The following NOL4 variants were observed in gnomAD, a reference collection of about 807,000 sequenced individuals.
NOL4 encodes the protein cancer/testis antigen 125.
Under a neutral mutation model 75.9 loss-of-function variants are expected in NOL4, and 17 were observed. That is an observed-to-expected ratio of 0.22 (90% confidence interval 0.15 to 0.34). NOL4 has a LOEUF of 0.34. NOL4 is among the 10% of genes least tolerant of loss of function. The pLI is 1.00. For missense variants in NOL4, 614 were observed against 793.5 expected (o/e 0.77, Z 2.72); for synonymous variants, 292 against 289.9 (o/e 1.01, Z -0.07).
chr18:34,144,489 G>A (rs1312439382), intron 1 of NOL4, among the ~76,000 whole-genome samples: 1 of 152,048 alleles, frequency 6.6e-6, no homozygotes, highest in Non-Finnish European at 1.5e-5. Context: ...AGCTACTACT[G>A]AAAAAACTTT....
intron 1 of NOL4, among the ~76,000 whole-genome samples, chr18:34,169,928 T>G (rs979344322): frequency 2.6e-5 from 4 of 152,168 alleles, no homozygotes; most frequent in Non-Finnish European, 5.9e-5. Flanking sequence ...TTTTCTATTT[T>G]TAATCAATTC....
chr18:34,093,657 C>A, intron 4 of NOL4, 60 bp from the exon 5 acceptor site: 2 of 1,254,662 alleles, frequency 1.6e-6, no homozygotes, highest in Middle Eastern at 2.4e-4. Context: ...TAAATAATAA[C>A]CATTTTATCT....
intron 6 of NOL4, among the ~76,000 whole-genome samples, chr18:33,999,810 C>T (rs1180875758): frequency 6.6e-6 from 1 of 152,000 alleles, no homozygotes; most frequent in Admixed American, 6.6e-5. Flanking sequence ...TACCACTATG[C>T]CCAGCTAATT....
In NOL4 at chr18:34,022,546, C is replaced by T. The variant is rs151067063; in HGVS notation, c.773-2945G>A. On this transcript the variant is annotated intron_variant, in intron 5 of 10. Transcript: ENST00000261592. ...CTTTTTATGCCAATTCAAATTCTTA[C>T]GCTAAATTATGAAGATGATTTTTAT... Among the ~76,000 whole-genome samples, 379 of 151,988 alleles carry T rather than the reference C, an allele frequency of 2.5e-3. 3 individuals are homozygous for T. The highest frequency in any genetic ancestry group is 8.0e-3 in the African/African-American group (334 of 41,494).
chr18:34,041,130 C>T (rs1367253593), intron 5 of NOL4, among the ~76,000 whole-genome samples: 1 of 151,860 alleles, frequency 6.6e-6, no homozygotes, highest in East Asian at 1.9e-4. Context: ...AAGAGAGTTA[C>T]TAATAATGTT....
chr18:34,140,403 T>C (rs2032321244), intron 1 of NOL4, among the ~76,000 whole-genome samples: 1 of 152,332 alleles, frequency 6.6e-6, no homozygotes, highest in East Asian at 1.9e-4. Flanking sequence ...TTAGCCCTTC[T>C]TGTTGAATTG....
At chr18:34,161,115 C>T (rs371181215) in intron 1 of NOL4, among the ~76,000 whole-genome samples, 4 of 152,272 alleles carry the variant, frequency 2.6e-5, no homozygotes, top group East Asian at 1.9e-4. Flanking sequence ...CAATGTCCTT[C>T]GGGCTCAGCA....
chr18:33,883,553 C>A, intron 9 of NOL4, 129 bp from the exon 10 acceptor site: 1 of 564,432 alleles, frequency 1.8e-6, no homozygotes, highest in South Asian at 6.3e-5. Flanking sequence ...GTTAAGTAAG[C>A]ACAGATGCAC....
At chr18:34,067,665 G>C (rs1447221411) in intron 5 of NOL4, among the ~76,000 whole-genome samples, 1 of 152,194 alleles carries the variant, frequency 6.6e-6, no homozygotes, top group African/African-American at 2.4e-5. Context: ...CAAGAAAAAT[G>C]GGAGTTATAA....
At chr18:34,214,641 A>G (rs2036750542) in intron 1 of NOL4, among the ~76,000 whole-genome samples, 1 of 152,164 alleles carries the variant, frequency 6.6e-6, no homozygotes, top group South Asian at 2.1e-4. Flanking sequence ...CTACCATATG[A>G]TCCAGCAAAC....
At chr18:34,030,622 G>A (rs1568243884) in intron 5 of NOL4, among the ~76,000 whole-genome samples, 1 of 152,116 alleles carries the variant, frequency 6.6e-6, no homozygotes, top group African/African-American at 2.4e-5. Flanking sequence ...CAGCTAGATA[G>A]GAGAAATAAG....
chr18:34,080,466 C>G (rs1020831102), intron 5 of NOL4, among the ~76,000 whole-genome samples: 3 of 151,978 alleles, frequency 2.0e-5, no homozygotes, highest in Non-Finnish European at 4.4e-5. Flanking sequence ...CTATAGACTC[C>G]GATGTTAATA....
At chr18:34,029,747 C>T (rs967751410) in intron 5 of NOL4, among the ~76,000 whole-genome samples, 1 of 152,156 alleles carries the variant, frequency 6.6e-6, no homozygotes, top group African/African-American at 2.4e-5. Context: ...CTCTAGTTTT[C>T]TGATAAAATG....
intron 9 of NOL4, among the ~76,000 whole-genome samples, chr18:33,906,830 A>G (rs867265130): frequency 6.6e-6 from 1 of 152,188 alleles, no homozygotes; most frequent in East Asian, 1.9e-4. Context: ...TAGTGTTCCA[A>G]ATGAACAGAA....
intron 9 of NOL4, among the ~76,000 whole-genome samples, chr18:33,918,458 T>C (rs930279181): frequency 1.3e-5 from 2 of 152,076 alleles, no homozygotes; most frequent in African/African-American, 4.8e-5. Flanking sequence ...ATATAGCAAG[T>C]ATCCTCTCAA....
intron 1 of NOL4, among the ~76,000 whole-genome samples, chr18:34,144,802 T>C (rs2081331450): frequency 6.6e-6 from 1 of 152,144 alleles, no homozygotes; most frequent in African/African-American, 2.4e-5. Flanking sequence ...TACGATAAAA[T>C]CAAAGTGCCC....
chr18:34,080,870 T>C (rs1278861114), intron 5 of NOL4, among the ~76,000 whole-genome samples: 1 of 152,192 alleles, frequency 6.6e-6, no homozygotes, highest in East Asian at 1.9e-4. Flanking sequence ...AGATACTAAT[T>C]TGATTGTTAA....
intron 6 of NOL4, among the ~76,000 whole-genome samples, chr18:34,010,275 G>A (rs12457751): frequency 0.15 from 22,613 of 151,732 alleles, 2,123 homozygotes; most frequent in East Asian, 0.38. Context: ...TTATGTGCTT[G>A]TCTTATTTCA....
chr18:33,930,385 A>T (rs1407087466), intron 9 of NOL4, among the ~76,000 whole-genome samples: 1 of 152,128 alleles, frequency 6.6e-6, no homozygotes, highest in East Asian at 1.9e-4. Flanking sequence ...AATTTTTGTA[A>T]TCACATTTCT....
Sources: gnomAD v4.1 joint callset for allele counts (sites outside exome capture counted in the v4.1 genomes callset) on GRCh38, gnomAD v4.1.1 for gene constraint, MANE v1.5 for transcripts, NCBI Gene and HGNC (gene_info 2026-07-23, HGNC 2026-07-21) for gene names.